MAML3: variants seen among roughly 807,000 people sequenced by gnomAD.
The protein encoded by MAML3 is mastermind-like protein 3.
In MAML3, 27 loss-of-function variants were observed where a neutral mutation model predicts 101.9. The observed-to-expected ratio is 0.27, with a 90% confidence interval of 0.20 to 0.37. The LOEUF is 0.37. Ranked by LOEUF, MAML3 falls within the 10% of genes least tolerant of loss-of-function variation. MAML3 has a pLI of 1.00. For missense variants in MAML3, 1,316 were observed against 1,444.9 expected (o/e 0.91, Z 1.45); for synonymous variants, 501 against 555.9 (o/e 0.90, Z 1.39).
chr4:139,800,638 C>A (rs916607913), intron 2 of MAML3, among the ~76,000 whole-genome samples: 2 of 152,106 alleles, frequency 1.3e-5, no homozygotes, highest in Non-Finnish European at 2.9e-5. Context: ...AGATTGTACA[C>A]GCAAGATAAA....
chr4:140,014,788 G>T (rs910493003), intron 1 of MAML3, among the ~76,000 whole-genome samples: 3 of 152,136 alleles, frequency 2.0e-5, no homozygotes, highest in Admixed American at 6.5e-5. Context: ...ATAGGAAGTG[G>T]TAAACTTCAA....
At chr4:139,800,095 AT>A (rs1307601548) in intron 2 of MAML3, among the ~76,000 whole-genome samples, 1 of 152,190 alleles carries the variant, frequency 6.6e-6, no homozygotes, top group East Asian at 1.9e-4. Flanking sequence ...GACAAACCAT[AT>A]TTTCATTTCA....
chr4:140,151,222 G>A (rs1214723734), intron 1 of MAML3, among the ~76,000 whole-genome samples: 3 of 152,104 alleles, frequency 2.0e-5, no homozygotes, highest in Admixed American at 6.5e-5. Context: ...AAGGGGAGGG[G>A]GAGGAGGAAG....
intron 2 of MAML3, among the ~76,000 whole-genome samples, chr4:139,760,780 G>C (rs1444122740): frequency 6.6e-6 from 1 of 152,168 alleles, no homozygotes; most frequent in Non-Finnish European, 1.5e-5. Context: ...CAAGAGGCTG[G>C]AGTGTATCCA....
chr4:140,149,570 A>G (rs1245767067), intron 1 of MAML3, among the ~76,000 whole-genome samples: 1 of 152,258 alleles, frequency 6.6e-6, no homozygotes, highest in East Asian at 1.9e-4. Flanking sequence ...TAATTAATCG[A>G]TATTTAGTAC....
At chr4:140,138,368 G>A (rs1032094078) in intron 1 of MAML3, among the ~76,000 whole-genome samples, 1 of 152,138 alleles carries the variant, frequency 6.6e-6, no homozygotes, top group Non-Finnish European at 1.5e-5. Context: ...AAATCCAATA[G>A]CAGCTGCAAA....
chr4:139,929,537 G>C (rs980425424), intron 1 of MAML3, among the ~76,000 whole-genome samples: 5 of 152,166 alleles, frequency 3.3e-5, no homozygotes, highest in Non-Finnish European at 7.3e-5. Flanking sequence ...TATTAATGTT[G>C]TATCACTATT....
Position 140,080,822 on chromosome 4 carries a change from A to G in MAML3, c.468+72038T>C, listed in dbSNP as rs77048383. ...TCCACTAAAACCAACACCTGGCTTT[A>G]TACTGTTGTGCTATTCCACATAAGG... On this transcript the variant is annotated intron_variant, in intron 1 of 4. Transcript: ENST00000509479. 1.1e-3 allele frequency among the ~76,000 whole-genome samples: 171 copies of G among 152,366 alleles called. 1 individual carries two copies. Among genetic ancestry groups the G allele is most frequent in the African/African-American group, 3.6e-3 (148 of 41,596 alleles).
intron 2 of MAML3, among the ~76,000 whole-genome samples, chr4:139,778,969 C>T (rs573592594): frequency 5.4e-4 from 73 of 136,394 alleles, no homozygotes; most frequent in African/African-American, 1.7e-3. Context: ...GGTGACAGAG[C>T]GAGACTCCAC....
rs761082748 is a variant in MAML3 at position 139,890,246 on chromosome 4, A to T, written c.1190T>A (p.Val397Asp). 16 of 1,613,766 alleles carry T rather than the reference A, an allele frequency of 9.9e-6. No individual in the cohort carries two copies. The highest frequency in any genetic ancestry group is 1.4e-5 in the Non-Finnish European group (16 of 1,179,884). ...GTTTGGAGCTGCGGGAGTGCTGGCA[A>T]CAGAAGGTAAACTAGTGGCCGTGGA... is the stretch of plus-strand genomic sequence containing the variant. ...TVSTATSLPS[V>D]ASTPAAPNPA... Residue 397 changes from valine to aspartate, a missense_variant, in exon 2 of 5, where the codon GTT becomes GAT. Coordinates refer to ENST00000509479, the MANE Select transcript of MAML3 (RefSeq NM_018717.5). This position sits in a 1 kb window ranked among gnomAD's most constrained non-coding sequence, Gnocchi z 4.1.
chr4:140,073,941 G>A (rs971083962), intron 1 of MAML3, among the ~76,000 whole-genome samples: 2 of 151,686 alleles, frequency 1.3e-5, no homozygotes, highest in Non-Finnish European at 2.9e-5. Context: ...AGACCATCCT[G>A]GCCAACATGG....
chr4:139,743,766 C>T (rs946755634), intron 2 of MAML3, among the ~76,000 whole-genome samples: 1 of 152,176 alleles, frequency 6.6e-6, no homozygotes, highest in Non-Finnish European at 1.5e-5. Flanking sequence ...GAGAACACTA[C>T]CTCTTAATCA....
chr4:139,741,090 T>G (rs1444521979), intron 2 of MAML3, among the ~76,000 whole-genome samples: 1 of 152,094 alleles, frequency 6.6e-6, no homozygotes, highest in Non-Finnish European at 1.5e-5. Flanking sequence ...CGGCCCCCAT[T>G]CCTATGAGTA....
At chr4:139,837,119 T>C (rs1027132550) in intron 2 of MAML3, among the ~76,000 whole-genome samples, 4 of 97,934 alleles carry the variant, frequency 4.1e-5, no homozygotes, top group Non-Finnish European at 6.4e-5. Context: ...TGAAACTCTG[T>C]CTCAAAAAAA....
rs1236568501 is a variant in MAML3 at position 140,021,592 on chromosome 4, T to C, written c.469-130625A>G. Among the ~76,000 whole-genome samples the C allele has an allele frequency of 4.6e-5, 7 of 152,146 alleles. No homozygotes were observed. The East Asian group carries it at 7.7e-4, about 17-fold the overall frequency. On this transcript the variant is annotated intron_variant, in intron 1 of 4. Transcript: ENST00000509479. ...CCCATATTCCTTACCTAATTTTTTT[T>C]CCTTATTTTTAAAACAATGACCCAA...
At chr4:139,743,632 A>G (rs1442089892) in intron 2 of MAML3, among the ~76,000 whole-genome samples, 1 of 152,202 alleles carries the variant, frequency 6.6e-6, no homozygotes, top group African/African-American at 2.4e-5. Context: ...TGAACTTGAA[A>G]TCTGTCTCAG....
At chr4:140,053,903 C>T (rs1009283525) in intron 1 of MAML3, among the ~76,000 whole-genome samples, 1 of 152,142 alleles carries the variant, frequency 6.6e-6, no homozygotes, top group Non-Finnish European at 1.5e-5. Flanking sequence ...CCATACAAAA[C>T]ATCAGGCAGG....
chr4:139,949,522 A>C (rs1733796918), intron 1 of MAML3, among the ~76,000 whole-genome samples: 1 of 152,234 alleles, frequency 6.6e-6, no homozygotes, highest in Non-Finnish European at 1.5e-5. Flanking sequence ...CATGTCACTG[A>C]AACAGTCTGG....
At chr4:139,892,643 AC>A (rs1732523637) in intron 1 of MAML3, among the ~76,000 whole-genome samples, 1 of 151,016 alleles carries the variant, frequency 6.6e-6, no homozygotes, top group East Asian at 1.9e-4. Flanking sequence ...CTTGTGTATA[AC>A]TCTGCAATGA....
Sources: gnomAD v4.1 joint callset for allele counts (sites outside exome capture counted in the v4.1 genomes callset) on GRCh38, gnomAD v4.1.1 for gene constraint, Gnocchi (gnomAD v3.1) non-coding constraint, MANE v1.5 for transcripts, NCBI Gene and HGNC (gene_info 2026-07-23, HGNC 2026-07-21) for gene names.